Variants in SPMIP2 observed in about 807,000 individuals in gnomAD.
SPMIP2 encodes the protein sperm microtubule inner protein 2.
chr4:158,995,788 C>T, the SPMIP2 span, among the ~76,000 whole-genome samples: 4 of 136,606 alleles, frequency 2.9e-5, no homozygotes, highest in Non-Finnish European at 4.5e-5. Flanking sequence ...ACCCGGGAGA[C>T]GGAGGTTGCA....
chr4:158,980,899 T>C, the SPMIP2 span, among the ~76,000 whole-genome samples: 1 of 152,044 alleles, frequency 6.6e-6, no homozygotes, highest in Non-Finnish European at 1.5e-5. Context: ...GGGTGAGTAA[T>C]AACAAACTCC....
chr4:159,015,628 A>C, the SPMIP2 span, among the ~76,000 whole-genome samples: 1 of 152,234 alleles, frequency 6.6e-6, no homozygotes, highest in Non-Finnish European at 1.5e-5. Flanking sequence ...TATTAGAAAA[A>C]AGAGAGTTGG....
At chr4:158,922,140 G>A in the SPMIP2 span, among the ~76,000 whole-genome samples, 66 of 152,012 alleles carry the variant, frequency 4.3e-4, no homozygotes, top group African/African-American at 1.4e-3. Context: ...TGCCCGCCTC[G>A]GCCTCCCAAA....
the SPMIP2 span, among the ~76,000 whole-genome samples, chr4:158,982,685 G>A: frequency 6.6e-6 from 1 of 152,152 alleles, no homozygotes; most frequent in Non-Finnish European, 1.5e-5. Flanking sequence ...TGAGAACAAA[G>A]ACACAACTTC....
chr4:159,043,393 C>A, the SPMIP2 span, among the ~76,000 whole-genome samples: 4 of 152,270 alleles, frequency 2.6e-5, no homozygotes, highest in South Asian at 2.1e-4. Flanking sequence ...GTCGCCCAGG[C>A]TGGAGTGCAG....
the SPMIP2 span, among the ~76,000 whole-genome samples, chr4:158,904,300 G>GAGTA: frequency 6.6e-6 from 1 of 152,142 alleles, no homozygotes; most frequent in Non-Finnish European, 1.5e-5. Context: ...TTTATTAAAA[G>GAGTA]AGTAAGTTTA....
At chr4:159,061,258 C>T in the SPMIP2 span, among the ~76,000 whole-genome samples, 1 of 151,974 alleles carries the variant, frequency 6.6e-6, no homozygotes, top group Non-Finnish European at 1.5e-5. Context: ...ACCTCACACA[C>T]CTTCAACTGT....
At chr4:159,048,645 G>GA in the SPMIP2 span, among the ~76,000 whole-genome samples, 1 of 150,432 alleles carries the variant, frequency 6.6e-6, no homozygotes, top group East Asian at 1.9e-4. Flanking sequence ...ATCCCGAATT[G>GA]AAAATGCCTA....
the SPMIP2 span, among the ~76,000 whole-genome samples, chr4:159,022,836 C>A: frequency 6.6e-6 from 1 of 151,932 alleles, no homozygotes; most frequent in East Asian, 1.9e-4. Flanking sequence ...TCGAGACCAT[C>A]CTGGCCAACA....
chr4:158,897,685 GGTT>G, the SPMIP2 span, among the ~76,000 whole-genome samples: 1 of 151,918 alleles, frequency 6.6e-6, no homozygotes, highest in African/African-American at 2.4e-5. Context: ...TTTTTGATGG[GGTT>G]GTTTTTTTCT....
At chr4:159,013,022 C>T in the SPMIP2 span, among the ~76,000 whole-genome samples, 1 of 152,178 alleles carries the variant, frequency 6.6e-6, no homozygotes, top group African/African-American at 2.4e-5. Context: ...TGTCAACAGT[C>T]CCACGTCTAC....
the SPMIP2 span, among the ~76,000 whole-genome samples, chr4:158,954,283 C>T: frequency 6.6e-6 from 1 of 152,166 alleles, no homozygotes; most frequent in African/African-American, 2.4e-5. Flanking sequence ...CTTACAAGAT[C>T]TGATGGTTTT....
chr4:158,997,188 C>T, the SPMIP2 span, among the ~76,000 whole-genome samples: 1 of 150,494 alleles, frequency 6.6e-6, no homozygotes. Context: ...CTAGCTAAAT[C>T]ATAATTAGTT....
the SPMIP2 span, among the ~76,000 whole-genome samples, chr4:159,006,398 G>A: frequency 6.6e-6 from 1 of 152,186 alleles, no homozygotes; most frequent in Non-Finnish European, 1.5e-5. Context: ...GTGGGAAAAT[G>A]TACCACACCC....
At chr4:158,990,981 T>A in the SPMIP2 span, among the ~76,000 whole-genome samples, 1 of 152,188 alleles carries the variant, frequency 6.6e-6, no homozygotes. Flanking sequence ...GGTACAATAA[T>A]AGTGCTCTAA....
At chr4:158,969,705 A>G in the SPMIP2 span, among the ~76,000 whole-genome samples, 3 of 152,212 alleles carry the variant, frequency 2.0e-5, no homozygotes, top group Non-Finnish European at 4.4e-5. Flanking sequence ...CAGCTGCTCC[A>G]GGCATTTTAC....
At chr4:159,021,184 T>C in the SPMIP2 span, among the ~76,000 whole-genome samples, 6,846 of 152,306 alleles carry the variant, frequency 0.045, 480 homozygotes, top group African/African-American at 0.15. Context: ...AATTTGGAGA[T>C]AATCTGACTT....
At chr4:159,035,463 A>T in the SPMIP2 span, among the ~76,000 whole-genome samples, 12 of 152,338 alleles carry the variant, frequency 7.9e-5, no homozygotes, top group South Asian at 2.5e-3. Flanking sequence ...CAACATTTCA[A>T]AAAGAATGTC....
chr4:158,904,807 T>C, the SPMIP2 span: 1 of 429,186 alleles, frequency 2.3e-6, no homozygotes, highest in Non-Finnish European at 4.3e-6. Flanking sequence ...ACCTTTTTGG[T>C]AGGAGGAAAC....
Sources: gnomAD v4.1 joint callset for allele counts (sites outside exome capture counted in the v4.1 genomes callset) on GRCh38, gnomAD v4.1.1 for gene constraint, MANE v1.5 for transcripts, NCBI Gene and HGNC (gene_info 2026-07-23, HGNC 2026-07-21) for gene names.